The following RBFOX1 variants were observed in gnomAD, a reference collection of about 807,000 sequenced individuals.
RBFOX1 encodes the protein RNA binding protein fox-1 homolog 1.
A neutral mutation model predicts 57.7 loss-of-function variants in RBFOX1; 8 were observed. The ratio of observed to expected loss-of-function variants is 0.14; its 90% CI spans 0.08 to 0.25. RBFOX1 has a LOEUF of 0.25. Ranked by LOEUF, RBFOX1 falls within the 10% of genes least tolerant of loss-of-function variation. The probability of loss-of-function intolerance (pLI) is 1.00; values close to 1 mark genes in which losing one functional copy is unlikely to be tolerated. For missense variants in RBFOX1, 611 were observed against 548.5 expected, an observed-to-expected ratio of 1.11 and a Z score of -1.14; for synonymous variants, 326 against 222.4, an observed-to-expected ratio of 1.47 and a Z score of -4.15.
In RBFOX1 at chr16:6,950,544, G is replaced by C. The variant is rs768474495; in HGVS notation, c.-15-101513G>C. Among the ~76,000 whole-genome samples, 30 of 152,260 alleles carry C rather than the reference G, an allele frequency of 2.0e-4. No homozygotes were observed. The Middle Eastern group carries it at 0.01, about 52-fold the overall frequency. On this transcript the variant is annotated intron_variant, in intron 3 of 15. Coordinates refer to ENST00000550418, the MANE Select transcript of RBFOX1 (RefSeq NM_018723.4). ...AAATTGCATTTGGCCATTATTTCCA[G>C]GCTTAGAAATGAATGTGTGTTAGGA...
chr16:7,329,829 C>T (rs1026409093), intron 4 of RBFOX1, among the ~76,000 whole-genome samples: 13 of 152,184 alleles, frequency 8.5e-5, no homozygotes, highest in African/African-American at 2.9e-4. Flanking sequence ...AAAATATCCC[C>T]GGCACAAGGT....
intron 4 of RBFOX1, among the ~76,000 whole-genome samples, chr16:5,994,895 T>C (rs2060465718): frequency 6.6e-6 from 1 of 152,192 alleles, no homozygotes; most frequent in Non-Finnish European, 1.5e-5. Flanking sequence ...TTTCCACTCT[T>C]CTTCAGTGTC....
At chr16:6,650,229 A>G (rs11863389) in intron 2 of RBFOX1, among the ~76,000 whole-genome samples, 7,407 of 152,194 alleles carry the variant, frequency 0.049, 213 homozygotes, top group Non-Finnish European at 0.053. Context: ...TGAGAAGCAC[A>G]TGTACCTTGC....
At chr16:5,965,490 T>A (rs1213753803) in intron 4 of RBFOX1, among the ~76,000 whole-genome samples, 1 of 152,174 alleles carries the variant, frequency 6.6e-6, no homozygotes, top group Non-Finnish European at 1.5e-5. Context: ...GTAAGTGGCA[T>A]GCTTCAACTC....
At chr16:5,298,077 C>G (rs188450304) in intron 1 of RBFOX1, among the ~76,000 whole-genome samples, 1 of 152,154 alleles carries the variant, frequency 6.6e-6, no homozygotes, top group African/African-American at 2.4e-5. Flanking sequence ...TGGGAAGAAA[C>G]GTATTTAAGT....
chr16:6,133,819 C>T (rs1218168500), intron 1 of RBFOX1, among the ~76,000 whole-genome samples: 3 of 152,078 alleles, frequency 2.0e-5, no homozygotes, highest in African/African-American at 4.8e-5. Flanking sequence ...GCCTCATGTG[C>T]CCCAAGCAAT....
intron 1 of RBFOX1, among the ~76,000 whole-genome samples, chr16:5,391,860 G>T (rs2066417849): frequency 6.7e-6 from 1 of 148,782 alleles, no homozygotes; most frequent in South Asian, 2.1e-4. Flanking sequence ...GAAATGAGTG[G>T]ATAAAGAAAC....
chr16:5,612,121 A>C, intron 3 of RBFOX1, among the ~76,000 whole-genome samples: 1 of 148,654 alleles, frequency 6.7e-6, no homozygotes, highest in Non-Finnish European at 1.5e-5. Flanking sequence ...TCATTCATCT[A>C]CTCTCCCATA....
chr16:7,056,092 A>G (rs1349909775), intron 4 of RBFOX1, among the ~76,000 whole-genome samples: 4 of 152,042 alleles, frequency 2.6e-5, no homozygotes, highest in Non-Finnish European at 5.9e-5. Context: ...TCCCCTCAGC[A>G]TTAGGTGTGG....
At chr16:7,384,855 A>T (rs1439640821) in intron 4 of RBFOX1, among the ~76,000 whole-genome samples, 1 of 152,208 alleles carries the variant, frequency 6.6e-6, no homozygotes, top group African/African-American at 2.4e-5. Context: ...AGTTGAAAGG[A>T]GGCAAACAAT....
In RBFOX1 at chr16:5,718,078, G is replaced by A. The variant is rs150222713; in HGVS notation, c.318+119117G>A. Among the ~76,000 whole-genome samples, 224 of 152,290 alleles carry A rather than the reference G, an allele frequency of 1.5e-3. 1 individual carries two copies. Among genetic ancestry groups the A allele is most frequent in the African/African-American group, 5.1e-3 (212 of 41,560 alleles). On this transcript the variant is annotated intron_variant, in intron 3 of 19. Coordinates refer to the RBFOX1 transcript ENST00000641259. ...CAGGTGACTTGCTCTGGACAATAGG[G>A]TGTCATCGAATACGATGCACACATA...
intron 4 of RBFOX1, among the ~76,000 whole-genome samples, chr16:7,147,695 A>G (rs1178160661): frequency 1.3e-5 from 2 of 152,162 alleles, no homozygotes; most frequent in Non-Finnish European, 2.9e-5. Context: ...TGTATGGACC[A>G]CATTTTCTTT....
At chr16:7,591,241 G>A (rs991630456) in intron 7 of RBFOX1, among the ~76,000 whole-genome samples, 2 of 152,048 alleles carry the variant, frequency 1.3e-5, no homozygotes, top group African/African-American at 4.8e-5. Context: ...GAGATGAGAG[G>A]GCTCATAGTC....
chr16:6,012,258 A>T (rs141902439), intron 4 of RBFOX1, among the ~76,000 whole-genome samples: 1 of 152,228 alleles, frequency 6.6e-6, no homozygotes, highest in Non-Finnish European at 1.5e-5. Flanking sequence ...TGAGGACTCA[A>T]TGAGAATCTG....
intron 2 of RBFOX1, among the ~76,000 whole-genome samples, chr16:5,589,716 T>A (rs1345343338): frequency 3.3e-5 from 5 of 152,168 alleles, no homozygotes. Context: ...GTCCTCATTT[T>A]AAGTAATTTA....
chr16:7,635,129 T>C (rs963430582), intron 11 of RBFOX1, among the ~76,000 whole-genome samples: 3 of 152,136 alleles, frequency 2.0e-5, no homozygotes, highest in African/African-American at 7.2e-5. Context: ...AACATCAAAA[T>C]TGGCACCAGG....
intron 4 of RBFOX1, among the ~76,000 whole-genome samples, chr16:7,367,888 A>ACG (rs2097487708): frequency 7.6e-6 from 1 of 130,816 alleles, no homozygotes; most frequent in Non-Finnish European, 1.6e-5. Flanking sequence ...GCGTGCATAC[A>ACG]CACACACACA....
chr16:7,458,048 C>A (rs868830995), intron 4 of RBFOX1, among the ~76,000 whole-genome samples: 9 of 152,252 alleles, frequency 5.9e-5, no homozygotes, highest in Middle Eastern at 3.4e-3. Flanking sequence ...TGGACATCTC[C>A]TCTTTAAGGA....
intron 3 of RBFOX1, among the ~76,000 whole-genome samples, chr16:7,021,111 G>C (rs1448740597): frequency 2.0e-5 from 3 of 152,104 alleles, no homozygotes; most frequent in Non-Finnish European, 2.9e-5. Flanking sequence ...ATGAGTGAGA[G>C]AGCAAGACTC....
Sources: gnomAD v4.1 joint callset for allele counts (sites outside exome capture counted in the v4.1 genomes callset) on GRCh38, gnomAD v4.1.1 for gene constraint, MANE v1.5 for transcripts, NCBI Gene and HGNC (gene_info 2026-07-23, HGNC 2026-07-21) for gene names.